NBEA: variants seen among roughly 807,000 people sequenced by gnomAD.
The protein encoded by NBEA is neurobeachin, also known as lysosomal-trafficking regulator 2.
In NBEA, 44 loss-of-function variants were observed where a neutral mutation model predicts 343.4. The observed-to-expected ratio is 0.13, with a 90% CI of 0.10 to 0.16. The LOEUF is 0.16. NBEA is among the 10% of genes least tolerant of loss of function. The pLI, the probability that NBEA is intolerant of heterozygous loss-of-function variation, is 1.00. For missense variants in NBEA, 2,555 were observed against 3,631.3 expected (o/e 0.70, Z 7.62); for synonymous variants, 1,175 against 1,238.7 (o/e 0.95, Z 1.08).
At chr13:35,526,532 G>A (rs2077984553) in intron 41 of NBEA, among the ~76,000 whole-genome samples, 1 of 152,140 alleles carries the variant, frequency 6.6e-6, no homozygotes, top group African/African-American at 2.4e-5. Flanking sequence ...CAGCTACTCA[G>A]GAGGCTGAGG....
At chr13:35,385,285 T>A (rs1013926383) in intron 38 of NBEA, among the ~76,000 whole-genome samples, 7 of 152,202 alleles carry the variant, frequency 4.6e-5, no homozygotes, top group Non-Finnish European at 2.9e-5. Flanking sequence ...TACAGTTTTT[T>A]ATAATTAGTT....
chr13:35,056,844 T>C (rs770212878), intron 7 of NBEA, among the ~76,000 whole-genome samples: 51 of 152,200 alleles, frequency 3.4e-4, no homozygotes, highest in Non-Finnish European at 7.1e-4. Flanking sequence ...TGATGTGTGC[T>C]TCTATTTTAA....
At chr13:35,068,045 A>G (rs1307474064) in intron 8 of NBEA, among the ~76,000 whole-genome samples, 27 of 152,212 alleles carry the variant, frequency 1.8e-4, no homozygotes, top group Non-Finnish European at 1.5e-5. Flanking sequence ...CCGCCTTTAT[A>G]TATAAATTTA....
At chr13:35,489,246 A>G (rs1455440479) in intron 41 of NBEA, among the ~76,000 whole-genome samples, 1 of 151,902 alleles carries the variant, frequency 6.6e-6, no homozygotes, top group Non-Finnish European at 1.5e-5. Context: ...AACATTCTCA[A>G]GTGAAGAGCT....
At chr13:35,584,918 G>T (rs1455216535) in intron 46 of NBEA, among the ~76,000 whole-genome samples, 1 of 151,812 alleles carries the variant, frequency 6.6e-6, no homozygotes, top group Non-Finnish European at 1.5e-5. Context: ...GATTACAGGT[G>T]TGAGCCACCA....
intron 55 of NBEA, among the ~76,000 whole-genome samples, chr13:35,659,388 T>C (rs776710680): frequency 3.9e-5 from 6 of 152,232 alleles, no homozygotes; most frequent in Non-Finnish European, 7.3e-5. Context: ...AAAATTCAAC[T>C]GACTTTAACA....
chr13:35,550,158 G>A (rs2079248061), intron 41 of NBEA, among the ~76,000 whole-genome samples: 1 of 152,144 alleles, frequency 6.6e-6, no homozygotes, highest in Non-Finnish European at 1.5e-5. Context: ...ATATTGGAAA[G>A]AACCAACAAT....
chr13:35,218,719 A>G (rs895642539), intron 33 of NBEA, among the ~76,000 whole-genome samples: 3 of 151,928 alleles, frequency 2.0e-5, no homozygotes, highest in African/African-American at 4.8e-5. Context: ...CGTATGTTGA[A>G]GTTTATCTTA....
chr13:35,046,483 C>T (rs928852034), intron 4 of NBEA, among the ~76,000 whole-genome samples: 2 of 151,862 alleles, frequency 1.3e-5, no homozygotes, highest in African/African-American at 2.4e-5. Flanking sequence ...TACAGTAGTC[C>T]CGCCTTATCC....
At chr13:35,615,896 CTT>C (rs981314734) in intron 48 of NBEA, among the ~76,000 whole-genome samples, 2 of 152,156 alleles carry the variant, frequency 1.3e-5, no homozygotes, top group Non-Finnish European at 2.9e-5. Context: ...GTTTCTATAT[CTT>C]TTACCCTCCA....
chr13:35,284,478 A>G (rs1297662181), intron 34 of NBEA, among the ~76,000 whole-genome samples: 1 of 152,166 alleles, frequency 6.6e-6, no homozygotes, highest in Non-Finnish European at 1.5e-5. Flanking sequence ...TTAAGTTAAT[A>G]TTAGAGTTGA....
At chr13:35,069,837 C>T (rs2063799629) in intron 8 of NBEA, 71 bp from the exon 9 acceptor site, 1 of 1,094,312 alleles carries the variant, frequency 9.1e-7, no homozygotes, top group Admixed American at 2.9e-5. Flanking sequence ...GTAAATGTTT[C>T]TCTGCTTTAA....
chr13:35,380,259 A>G (rs1336082536), intron 38 of NBEA, among the ~76,000 whole-genome samples: 4 of 152,020 alleles, frequency 2.6e-5, no homozygotes. Context: ...AGCCTCGCCA[A>G]CATGGTGAAA....
chr13:35,531,506 A>G (rs1267097087), intron 41 of NBEA, among the ~76,000 whole-genome samples: 2 of 152,164 alleles, frequency 1.3e-5, no homozygotes, highest in East Asian at 3.9e-4. Context: ...TGGTGTAATA[A>G]GTAGTGTTGC....
rs377402624 is a variant in NBEA, at chr13:35,652,776, C to G, written c.8035+900C>G. Among the ~76,000 whole-genome samples the G allele has an allele frequency of 1.5e-4, 19 of 125,646 alleles. No individual in the cohort carries two copies. In the East Asian group the frequency reaches 1.9e-3, roughly 13 times the overall value. 82.4% of individuals were successfully genotyped at this position (125,646 alleles called of 152,430 possible). ...GTGGCGCGATCTCGGCTCACTGCAA[C>G]CTCCGCCTCCCGGGTTCACGCCATT... On this transcript the variant is annotated intron_variant, in intron 53 of 58. Transcript: ENST00000379939.
At chr13:35,265,493 C>T (rs1478185211) in intron 34 of NBEA, among the ~76,000 whole-genome samples, 1 of 151,828 alleles carries the variant, frequency 6.6e-6, no homozygotes, top group Non-Finnish European at 1.5e-5. Flanking sequence ...ACCCAAACAA[C>T]ATGGTACTGA....
intron 18 of NBEA, among the ~76,000 whole-genome samples, chr13:35,144,986 G>A (rs770937697): frequency 6.6e-6 from 1 of 152,166 alleles, no homozygotes; most frequent in Non-Finnish European, 1.5e-5. Context: ...AGTCCCAGAT[G>A]GTTTGAGCAG....
In NBEA at chr13:35,472,476, G is replaced by A. The variant is rs140518872; in HGVS notation, c.6525G>A (p.Thr2175=). 6.2e-7 allele frequency: 1 copy of A among 1,613,938 alleles called. No individual in the cohort carries two copies. The highest frequency in any genetic ancestry group is 2.2e-5 in the East Asian group (1 of 44,868). Residue 2175 remains threonine (T), a synonymous_variant, in exon 41 of 59, where the codon ACG becomes ACA. Transcript: ENST00000379939. ...VVAKGTLSIT[T]TEIYFEVDED... is the part of the protein sequence containing the mutation. ...CCAAGGGGACTCTCTCCATCACCAC[G>A]ACAGAAATCTACTTCGAGGTAGATG...
At chr13:35,062,145 T>G (rs767694466) in intron 8 of NBEA, among the ~76,000 whole-genome samples, 2 of 151,712 alleles carry the variant, frequency 1.3e-5, no homozygotes, top group Non-Finnish European at 3.0e-5. Flanking sequence ...GAGAAAAATT[T>G]ACTTATAATG....
Sources: gnomAD v4.1 joint callset for allele counts (sites outside exome capture counted in the v4.1 genomes callset) on GRCh38, gnomAD v4.1.1 for gene constraint, MANE v1.5 for transcripts, NCBI Gene and HGNC (gene_info 2026-07-23, HGNC 2026-07-21) for gene names.